GPBP1L1: variants seen among roughly 807,000 people sequenced by gnomAD.
GPBP1L1 encodes the protein GC-rich promoter binding protein 1 like 1.
GPBP1L1 carries 23 observed loss-of-function variants against 52.5 expected under a neutral mutation model. The observed-to-expected ratio is 0.44, with a 90% CI of 0.32 to 0.62. The LOEUF (loss-of-function observed/expected upper bound fraction) is 0.62. Ranked by LOEUF, GPBP1L1 falls within the 20% of genes least tolerant of loss-of-function variation. GPBP1L1 has a pLI of 0.06. For missense variants in GPBP1L1, 596 were observed against 579.3 expected, an observed-to-expected ratio of 1.03 and a Z score of -0.30; for synonymous variants, 243 against 203.1, an observed-to-expected ratio of 1.20 and a Z score of -1.67.
intron 2 of GPBP1L1, among the ~76,000 whole-genome samples, chr1:45,683,413 G>A (rs1183084931): frequency 6.6e-6 from 1 of 150,720 alleles, no homozygotes. Context: ...CACAGTGTTA[G>A]CCAAGATGGT....
chr1:45,642,819 A>C (rs11211145), intron 6 of GPBP1L1, among the ~76,000 whole-genome samples: 43,015 of 152,084 alleles, frequency 0.28, 6,211 homozygotes, highest in South Asian at 0.36. Context: ...GGAGGCACTG[A>C]AAGTTAGATG....
intron 4 of GPBP1L1, among the ~76,000 whole-genome samples, chr1:45,658,324 A>G (rs12057167): frequency 0.012 from 1,775 of 152,276 alleles, 26 homozygotes; most frequent in African/African-American, 0.037. Flanking sequence ...CTGTTTACCC[A>G]AGTGCCATTC....
At chr1:45,650,158 T>C (rs1457496587) in intron 6 of GPBP1L1, among the ~76,000 whole-genome samples, 1 of 152,178 alleles carries the variant, frequency 6.6e-6, no homozygotes, top group Non-Finnish European at 1.5e-5. Context: ...TGGCATCCTC[T>C]CAGAGTCCCT....
At chr1:45,681,425 TGAG>T (rs1645211210) in intron 2 of GPBP1L1, among the ~76,000 whole-genome samples, 1 of 152,068 alleles carries the variant, frequency 6.6e-6, no homozygotes, top group Non-Finnish European at 1.5e-5. Flanking sequence ...GGAAAAAAAC[TGAG>T]GAGAAATATG....
In GPBP1L1 at chr1:45,660,494, T is replaced by G; in HGVS notation, c.-366A>C. 1.0e-6 allele frequency: 1 copy of G among 982,542 alleles called. No homozygotes were observed. The highest frequency in any genetic ancestry group is 1.2e-6 in the Non-Finnish European group (1 of 827,312). The allele number at this position is 982,542 out of a possible 1,614,324, so 60.9% of individuals were successfully genotyped here. On this transcript the variant is annotated 5_prime_UTR_variant, in exon 3 of 13. Coordinates refer to ENST00000355105, the MANE Select transcript of GPBP1L1 (RefSeq NM_021639.5). ...GGAAAGAGCTGTATCTATGTTCACC[T>G]CATTCAACTTCCTTGAGTTATGGCA...
At position 45,659,115 on chromosome 1, in the gene GPBP1L1, G is replaced by C. The variant is rs1644917601; in HGVS notation, c.-28C>G. 1.2e-6 allele frequency: 2 copies of C among 1,613,134 alleles called. No homozygotes were observed. The highest frequency in any genetic ancestry group is 1.3e-5 in the African/African-American group (1 of 75,004). ...AGGTCCAGTGTCTCCTTTCAGTAAG[G>C]TGAGGCATCCAACCTCATGGCCAGG... On this transcript the variant is annotated 5_prime_UTR_variant, in exon 4 of 13. Transcript: ENST00000355105.
At chr1:45,659,389 G>T (rs563172205) in intron 3 of GPBP1L1, among the ~76,000 whole-genome samples, 1 of 152,222 alleles carries the variant, frequency 6.6e-6, no homozygotes, top group South Asian at 2.1e-4. Context: ...GGAGAGGAAG[G>T]GTCTTGCTAT....
At chr1:45,662,111 G>A (rs925302787) in intron 2 of GPBP1L1, among the ~76,000 whole-genome samples, 2 of 151,966 alleles carry the variant, frequency 1.3e-5, no homozygotes, top group Non-Finnish European at 2.9e-5. Flanking sequence ...AAATTTCTTC[G>A]GTAATTTCTC....
At chr1:45,651,545 A>C (rs1644819360) in intron 6 of GPBP1L1, 2 of 554,408 alleles carry the variant, frequency 3.6e-6, no homozygotes, top group African/African-American at 1.9e-5. Flanking sequence ...CAGCTTAAGT[A>C]GCTGAGTAGC....
chr1:45,653,039 A>G (rs1197740613), intron 6 of GPBP1L1, among the ~76,000 whole-genome samples: 1 of 152,252 alleles, frequency 6.6e-6, no homozygotes, highest in East Asian at 1.9e-4. Context: ...TAAGGGCAGT[A>G]TAGACCTTCC....
At chr1:45,669,673 T>C (rs1478929107) in intron 2 of GPBP1L1, among the ~76,000 whole-genome samples, 1 of 152,088 alleles carries the variant, frequency 6.6e-6, no homozygotes, top group Non-Finnish European at 1.5e-5. Flanking sequence ...CATGATTTCA[T>C]AAACTAATTG....
At chr1:45,644,166 A>T (rs192118071) in intron 6 of GPBP1L1, among the ~76,000 whole-genome samples, 2 of 152,182 alleles carry the variant, frequency 1.3e-5, no homozygotes, top group Non-Finnish European at 2.9e-5. Context: ...AACTCTCTAT[A>T]TAAGTGGACA....
intron 2 of GPBP1L1, among the ~76,000 whole-genome samples, chr1:45,666,986 T>C (rs1179840113): frequency 6.6e-6 from 1 of 152,156 alleles, no homozygotes; most frequent in African/African-American, 2.4e-5. Flanking sequence ...ATATGAAACA[T>C]CCAGTCTCAC....
chr1:45,636,351 G>C (rs761101182), intron 8 of GPBP1L1, among the ~76,000 whole-genome samples: 5 of 152,122 alleles, frequency 3.3e-5, no homozygotes, highest in African/African-American at 4.8e-5. Flanking sequence ...TGAACTAGGT[G>C]AATTTCATTA....
chr1:45,666,976 A>G (rs1645017855), intron 2 of GPBP1L1, among the ~76,000 whole-genome samples: 1 of 152,248 alleles, frequency 6.6e-6, no homozygotes, highest in Admixed American at 6.5e-5. Flanking sequence ...TATTCCACTT[A>G]TATGAAACAT....
At chr1:45,631,537 A>C (rs1238111221) in intron 10 of GPBP1L1, among the ~76,000 whole-genome samples, 6 of 152,188 alleles carry the variant, frequency 3.9e-5, no homozygotes, top group African/African-American at 1.4e-4. Context: ...TGTTGGGATT[A>C]TAGGTTTGAG....
intron 8 of GPBP1L1, chr1:45,634,447 T>A: frequency 2.3e-6 from 1 of 426,822 alleles, no homozygotes; most frequent in Non-Finnish European, 4.2e-6. Flanking sequence ...CCATTGGACA[T>A]TAATAGTGAC....
chr1:45,630,281 T>C (rs963788754), intron 11 of GPBP1L1, among the ~76,000 whole-genome samples: 5 of 151,784 alleles, frequency 3.3e-5, no homozygotes, highest in Non-Finnish European at 5.9e-5. Flanking sequence ...TATTGGAGAG[T>C]AGATTGTGGA....
intron 2 of GPBP1L1, among the ~76,000 whole-genome samples, chr1:45,667,038 G>C (rs1645018421): frequency 6.6e-6 from 1 of 152,202 alleles, no homozygotes; most frequent in South Asian, 2.1e-4. Context: ...ACTGGGAAGA[G>C]GAGGGAATGG....
Sources: allele counts gnomAD v4.1 joint callset (sites outside exome capture counted in the v4.1 genomes callset), GRCh38; gene constraint gnomAD v4.1.1; transcripts MANE v1.5; gene names NCBI Gene and HGNC (gene_info 2026-07-23, HGNC 2026-07-21).